Variants in PKD1 observed in about 807,000 individuals in gnomAD.
PKD1 encodes polycystin-1.
In PKD1, 81 loss-of-function variants were observed where a neutral mutation model predicts 361.7. That is an observed-to-expected ratio of 0.22 (90% confidence interval 0.19 to 0.27). PKD1 has a LOEUF of 0.27. Among genes scored for constraint, PKD1 ranks in the 10% least tolerant of loss-of-function variants. PKD1 has a pLI of 1.00. For synonymous variants in PKD1, 3,615 were observed against 2,818.3 expected (o/e 1.28, Z -8.95); for missense variants, 6,399 against 6,118.3 (o/e 1.05, Z -1.53).
Position 2,108,426 on chromosome 16 carries a change from G to A in PKD1, c.6741C>T (p.Ala2247=), listed in dbSNP as rs780430246. 6.2e-6 allele frequency: 10 copies of A among 1,610,534 alleles called. No individual in the cohort carries two copies. The highest frequency in any genetic ancestry group is 3.3e-5 in the South Asian group (3 of 90,992). ...GGCGCTCGGGGGCCACCGTCACATT[G>A]GCCTGGATGCTCTGTGTCAGTGGCG... ...GDTPLTQSIQ[A]NVTVAPERLV... The change falls in exon 15 of 46, where the codon GCC becomes GCT. Residue 2247 remains alanine, a synonymous_variant. Coordinates refer to ENST00000262304, the MANE Select transcript of PKD1 (RefSeq NM_001009944.3).
Position 2,103,846 on chromosome 16 carries a change from T to C in PKD1, c.8211A>G (p.Ser2737=). 2 of 1,604,732 alleles carry C rather than the reference T, an allele frequency of 1.2e-6. No individual in the cohort carries two copies. Among genetic ancestry groups the C allele is most frequent in the Non-Finnish European group, 8.5e-7 (1 of 1,178,322 alleles). Residue 2737 remains serine, a synonymous_variant, in exon 23 of 46, where the codon TCA becomes TCG. Transcript: ENST00000262304. ...ASSDVRAPQP[S]ELGAESPSRM... Reference sequence around the variant, plus strand: ...GAGATGGTGACTCGGCTCCCAGCTCTGAGGGCTGTGGTGCCCGCACGTCCG... The same window carrying C: ...GAGATGGTGACTCGGCTCCCAGCTCCGAGGGCTGTGGTGCCCGCACGTCCG...
rs2091385750 is a variant in PKD1, at chr16:2,089,858, C to T, written c.12781G>A (p.Gly4261Ser). ...SSRAPAGSSRGPSPGLRPALP... is the reference protein window; with the variant it reads ...SSRAPAGSSRSPSPGLRPALP... ...GCTGGCCGCAGGCCCGGGGATGGGC[C>T]ACGGGAAGATCCGGCGGGCGCCCGG... The change falls in exon 46 of 46, where the codon GGC becomes AGC. Residue 4261 changes from glycine to serine, a missense_variant. Coordinates refer to ENST00000262304, the MANE Select transcript of PKD1 (RefSeq NM_001009944.3). The T allele has an allele frequency of 6.2e-7, 1 of 1,608,954 alleles. No homozygotes were observed. Among genetic ancestry groups the T allele is most frequent in the Non-Finnish European group, 8.5e-7 (1 of 1,178,506 alleles).
rs919309114 is a variant in PKD1 at position 2,089,462 on chromosome 16, G to C, written c.*265C>G. On this transcript the variant is annotated 3_prime_UTR_variant, in exon 46 of 46. Transcript: ENST00000262304. ...AGCCCGCTGTACCTGAGGACTCGGG[G>C]AAATAAATTAGCATCTCAGAGGCTA... 5.5e-6 allele frequency: 3 copies of C among 548,186 alleles called. No individual in the cohort carries two copies. Among genetic ancestry groups the C allele is most frequent in the Non-Finnish European group, 9.8e-6 (3 of 306,500 alleles). The allele number at this position is 548,186 out of a possible 1,614,324, so 34.0% of individuals were successfully genotyped here.
chr16:2,126,146 G>A (rs557239592), intron 1 of PKD1, among the ~76,000 whole-genome samples: 69 of 152,358 alleles, frequency 4.5e-4, no homozygotes, highest in African/African-American at 1.6e-3. Context: ...ATGATGGTAC[G>A]AGCCATCCTG....
In PKD1 at chr16:2,091,011, G is replaced by A. The variant is rs2091492080; in HGVS notation, c.11876C>T (p.Ala3959Val). Residue 3959 changes from alanine to valine, a missense_variant, in exon 43 of 46, where the codon GCT becomes GTT. Transcript: ENST00000262304. The stretch of plus-strand genomic sequence containing the variant: ...CACGAAACGGGTCCACTGGCGGTCA[G>A]CGGCACCCAGCTGGGCGAGGCGTAC... ...ALVRLAQLGA[A>V]DRQWTRFVRG... 1 of 1,533,634 alleles carries A rather than the reference G, an allele frequency of 6.5e-7. No individual in the cohort carries two copies. The highest frequency in any genetic ancestry group is 8.7e-7 in the Non-Finnish European group (1 of 1,145,630).
chr16:2,112,305 A>T, intron 14 of PKD1, 35 bp downstream of exon 14: 1 of 1,567,650 alleles, frequency 6.4e-7, no homozygotes, highest in Non-Finnish European at 8.6e-7. Context: ...TCAGAGCCTG[A>T]AAGGCAGTGG....
chr16:2,094,361 T>C, intron 34 of PKD1, 151 bp from the exon 35 acceptor site: 1 of 670,886 alleles, frequency 1.5e-6, no homozygotes, highest in Non-Finnish European at 2.7e-6. Context: ...CAAACGAGAG[T>C]GGGAGTGGTG....
At position 2,099,636 on chromosome 16, in the gene PKD1, C is replaced by G; in HGVS notation, c.10050+8G>C. 6.3e-7 allele frequency: 1 copy of G among 1,588,296 alleles called. No individual in the cohort carries two copies. Among genetic ancestry groups the G allele is most frequent in the Non-Finnish European group, 8.5e-7 (1 of 1,175,812 alleles). ...CCCAGTACTCCCGGGTCCCCAGCCC[C>G]AGCCCACCTTGCTCCGGGACATCCG... On this transcript the variant is annotated splice_region_variant and intron_variant, in intron 30 of 45. Transcript: ENST00000262304.
intron 10 of PKD1, chr16:2,115,172 C>G (rs1269422713): frequency 2.7e-6 from 2 of 732,608 alleles, no homozygotes; most frequent in Non-Finnish European, 3.3e-6. Context: ...GAAGAGGAGG[C>G]ACAGCTCGTG....
rs769998736 is a variant in PKD1, at chr16:2,111,777, A to C, written c.3390T>G (p.Ala1130=). 7 of 1,607,752 alleles carry C rather than the reference A, an allele frequency of 4.4e-6. No homozygotes were observed. Among genetic ancestry groups the C allele is most frequent in the Non-Finnish European group, 5.9e-6 (7 of 1,178,576 alleles). The part of the protein sequence containing the change: ...VSVRASLPSV[A]VGVSDGVLVA... The stretch of plus-strand genomic sequence containing the variant: ...CCAGGACGCCGTCACTCACACCCAC[A>C]GCCACGGAGGGCAGGGAGGCGCGCA... The change falls in exon 15 of 46, where the codon GCT becomes GCG. Residue 1130 remains alanine (A), a synonymous_variant. Coordinates refer to ENST00000262304, the MANE Select transcript of PKD1 (RefSeq NM_001009944.3).
In PKD1 at chr16:2,110,407, C is replaced by T. The variant is rs772402581; in HGVS notation, c.4760G>A (p.Arg1587His). Residue 1587 changes from arginine (R) to histidine (H), a missense_variant, in exon 15 of 46, where the codon CGC becomes CAC. Arg to His is a conservative substitution (Grantham distance 29). Coordinates refer to ENST00000262304, the MANE Select transcript of PKD1 (RefSeq NM_001009944.3). The stretch of plus-strand genomic sequence containing the variant: ...AGGACCCCCAGGGATGGGCGTGCAG[C>T]GGTCACAGAGCACCCAGGAATAGCG... ...DVRYSWVLCD[R>H]CTPIPGGPTI... 10 of 1,612,488 alleles carry T rather than the reference C, an allele frequency of 6.2e-6. No individual in the cohort carries two copies. The highest frequency in any genetic ancestry group is 3.3e-5 in the South Asian group (3 of 91,082).
chr16:2,123,654 G>A (rs953951545), intron 1 of PKD1: 1 of 414,014 alleles, frequency 2.4e-6, no homozygotes, highest in African/African-American at 2.0e-5. Flanking sequence ...TTCCCTGCAA[G>A]GATGGGGGAC....
chr16:2,114,991 G>C, intron 10 of PKD1, 66 bp from the exon 11 acceptor site: 2 of 1,516,570 alleles, frequency 1.3e-6, no homozygotes, highest in East Asian at 4.9e-5. Flanking sequence ...CCCGCACGAC[G>C]GATGAGGGTG....
intron 11 of PKD1, 166 bp downstream of exon 11, chr16:2,114,004 C>G (rs1254814909): frequency 3.2e-6 from 2 of 630,998 alleles, no homozygotes; most frequent in Admixed American, 5.7e-5. Context: ...GAATTTAAAG[C>G]CCACCAGGTA....
chr16:2,102,407 G>C lies in PKD1; in HGVS notation c.9175C>G (p.Pro3059Ala). Residue 3059 changes from proline (P) to alanine (A), a missense_variant, in exon 25 of 46, where the codon CCA (proline) becomes GCA (alanine). Transcript: ENST00000262304. The part of the protein sequence containing the change: ...TAFGASLFVP[P>A]SHVRFVFPEP... ...GGAAACACAAAGCGGACATGGCTTG[G>C]GGGCACGAAGAGGCTGGCGCCGAAG... 6.4e-7 allele frequency: 1 copy of C among 1,557,538 alleles called. No individual in the cohort carries two copies. The highest frequency in any genetic ancestry group is 8.7e-7 in the Non-Finnish European group (1 of 1,151,730).
In PKD1 at chr16:2,089,461, G is replaced by A. The variant is rs528351015; in HGVS notation, c.*266C>T. 4.4e-5 allele frequency: 24 copies of A among 546,064 alleles called. No individual in the cohort carries two copies. Among genetic ancestry groups the A allele is most frequent in the Admixed American group, 1.9e-4 (6 of 30,832 alleles). The allele number at this position is 546,064 out of a possible 1,614,324, so 33.8% of individuals were successfully genotyped here. On this transcript the variant is annotated 3_prime_UTR_variant, in exon 46 of 46. Transcript: ENST00000262304. ...CAGCCCGCTGTACCTGAGGACTCGGGGAAATAAATTAGCATCTCAGAGGCT... is the reference window on the plus strand; with the variant it reads ...CAGCCCGCTGTACCTGAGGACTCGGAGAAATAAATTAGCATCTCAGAGGCT...
At chr16:2,129,711 G>A (rs1180531239) in intron 1 of PKD1, among the ~76,000 whole-genome samples, 9 of 151,396 alleles carry the variant, frequency 5.9e-5, no homozygotes, top group Admixed American at 2.6e-4. Flanking sequence ...CACCACGCCC[G>A]GCCAATGTTC....
At position 2,097,554 on chromosome 16, in the gene PKD1, G is replaced by C. The variant is rs141592472; in HGVS notation, c.10221-51C>G. The C allele has an allele frequency of 5.9e-3, 9,471 of 1,603,714 alleles. 441 individuals carry two copies. In the African/African-American group the frequency reaches 0.11, roughly 18 times the overall value. On this transcript the variant is annotated intron_variant, in intron 32 of 45. Coordinates refer to ENST00000262304, the MANE Select transcript of PKD1 (RefSeq NM_001009944.3). ...TACCAGGGGATGTGTCACACACACA[G>C]CCCACCCCCGTCCAGTCACGCACGG... is the stretch of plus-strand genomic sequence containing the variant.
At chr16:2,125,050 C>G (rs1209591162) in intron 1 of PKD1, among the ~76,000 whole-genome samples, 1 of 152,234 alleles carries the variant, frequency 6.6e-6, no homozygotes. Flanking sequence ...AGTGCCACCC[C>G]CACTGCGGCC....
Sources: allele counts gnomAD v4.1 joint callset (sites outside exome capture counted in the v4.1 genomes callset), GRCh38; gene constraint gnomAD v4.1.1; transcripts MANE v1.5; gene names NCBI Gene and HGNC (gene_info 2026-07-23, HGNC 2026-07-21).